Variants in FRMD6 observed in about 807,000 individuals in gnomAD.
The protein encoded by FRMD6 is FERM domain containing 6.
Under a neutral mutation model 73.2 loss-of-function variants are expected in FRMD6, and 37 were observed. That is an observed-to-expected ratio of 0.51 (90% CI 0.39 to 0.66). The LOEUF (loss-of-function observed/expected upper bound fraction) is 0.66, where lower values mean the gene tolerates loss of function less well. Ranked by LOEUF, FRMD6 falls within the 30% of genes least tolerant of loss-of-function variation. The pLI is 0.00. For synonymous variants in FRMD6, 273 were observed against 282.2 expected, an observed-to-expected ratio of 0.97 and a Z score of 0.33; for missense variants, 714 against 780.5, an observed-to-expected ratio of 0.91 and a Z score of 1.02.
Position 51,698,174 on chromosome 14 carries a change from G to A in FRMD6, c.132G>A (p.Gln44=). 6.2e-7 allele frequency: 1 copy of A among 1,612,504 alleles called. No individual in the cohort carries two copies. The highest frequency in any genetic ancestry group is 1.1e-5 in the South Asian group (1 of 90,992). The stretch of plus-strand genomic sequence containing the variant: ...TTCTGTGTCACCAGTTGCTGGTCCA[G>A]GTTTGTGACCTGCTCAGGCTAAAGG... The part of the protein sequence containing the change: ...VKILCHQLLV[Q]VCDLLRLKDC... Residue 44 remains glutamine (Q), a synonymous_variant, in exon 3 of 14, where the codon CAG becomes CAA. Transcript: ENST00000344768.
chr14:51,568,676 A>G (rs1410455417), intron 1 of FRMD6, among the ~76,000 whole-genome samples: 2 of 152,172 alleles, frequency 1.3e-5, no homozygotes, highest in Non-Finnish European at 2.9e-5. Context: ...GAAGTATGGA[A>G]ACAATGACCT....
intron 1 of FRMD6, among the ~76,000 whole-genome samples, chr14:51,518,224 T>C (rs1196379546): frequency 6.6e-6 from 1 of 152,170 alleles, no homozygotes. Flanking sequence ...TACCATGAAG[T>C]ATATACTGTA....
At chr14:51,412,564 C>T in the FRMD6 span, among the ~76,000 whole-genome samples, 1 of 152,082 alleles carries the variant, frequency 6.6e-6, no homozygotes, top group East Asian at 1.9e-4. Flanking sequence ...TAAGATAACA[C>T]GGACAGGCCG....
chr14:51,682,634 G>C (rs1020718709), intron 1 of FRMD6, among the ~76,000 whole-genome samples: 2 of 152,178 alleles, frequency 1.3e-5, no homozygotes, highest in African/African-American at 4.8e-5. Context: ...TTCTTTCTGA[G>C]CTTCTCTTTC....
the FRMD6 span, among the ~76,000 whole-genome samples, chr14:51,442,804 C>A: frequency 6.6e-6 from 1 of 152,186 alleles, no homozygotes; most frequent in East Asian, 1.9e-4. Context: ...TATGCCAGAC[C>A]TCTTTAGTAT....
At chr14:51,598,327 T>C (rs930242003) in intron 2 of FRMD6, among the ~76,000 whole-genome samples, 5 of 152,286 alleles carry the variant, frequency 3.3e-5, no homozygotes, top group South Asian at 4.1e-4. Flanking sequence ...TGAGAATAAA[T>C]GAAGGGAGTT....
exon 1 of FRMD6, chr14:51,489,168 T>G (rs370791374): frequency 1.2e-4 from 18 of 152,328 alleles, no homozygotes; most frequent in African/African-American, 4.1e-4. Context: ...GAACTAACAC[T>G]ATTTTCTCCT....
chr14:51,663,094 T>C (rs532752693), intron 1 of FRMD6, among the ~76,000 whole-genome samples: 2 of 152,224 alleles, frequency 1.3e-5, no homozygotes, highest in East Asian at 3.9e-4. Context: ...TCAGAATGGC[T>C]ATTAAAATGT....
chr14:51,717,383 C>G (rs755830127), intron 10 of FRMD6: 7 of 152,154 alleles, frequency 4.6e-5, no homozygotes, highest in Non-Finnish European at 8.8e-5. Context: ...AACTCCGCCT[C>G]TCATAATGAA....
At position 51,609,157 on chromosome 14, in the gene FRMD6, C is replaced by T. The variant is rs147514216; in HGVS notation, c.-147+38747C>T. ...ATGTACATTTAAACCAGGACAGATTCTAACAACCTGGACAGGAAACCTAGT... is the reference window on the plus strand; with the variant it reads ...ATGTACATTTAAACCAGGACAGATTTTAACAACCTGGACAGGAAACCTAGT... On this transcript the variant is annotated intron_variant, in intron 2 of 14. Transcript: ENST00000356218. 6.5e-3 allele frequency among the ~76,000 whole-genome samples: 989 copies of T among 152,176 alleles called. 9 individuals carry two copies. The highest frequency in any genetic ancestry group is 0.022 in the African/African-American group (934 of 41,518).
the FRMD6 span, among the ~76,000 whole-genome samples, chr14:51,409,170 A>G: frequency 1.3e-5 from 2 of 152,020 alleles, no homozygotes; most frequent in African/African-American, 2.4e-5. Context: ...GGGGTCTCCT[A>G]TTAGCCTTCT....
At chr14:51,487,801 A>C (rs1180887985), upstream of FRMD6, among the ~76,000 whole-genome samples, 1 of 152,204 alleles carries the variant, frequency 6.6e-6, no homozygotes, top group African/African-American at 2.4e-5. Flanking sequence ...AAACTCATTT[A>C]TTGGCCCTAG....
intron 1 of FRMD6, among the ~76,000 whole-genome samples, chr14:51,527,799 G>A (rs1885347188): frequency 6.6e-6 from 1 of 152,156 alleles, no homozygotes; most frequent in Admixed American, 6.5e-5. Flanking sequence ...AGATGGTGAG[G>A]CATACATTAA....
At chr14:51,655,802 G>T (rs984408828) in intron 1 of FRMD6, among the ~76,000 whole-genome samples, 1 of 152,180 alleles carries the variant, frequency 6.6e-6, no homozygotes, top group African/African-American at 2.4e-5. Flanking sequence ...AAATAGGACT[G>T]CTAATTGATA....
chr14:51,419,604 C>T, the FRMD6 span, among the ~76,000 whole-genome samples: 521 of 152,290 alleles, frequency 3.4e-3, 1 homozygote, highest in Non-Finnish European at 5.7e-3. Context: ...ATCCAGTTCC[C>T]AGCTTGACTT....
intron 1 of FRMD6, 96 bp downstream of exon 1, chr14:51,652,092 G>A: frequency 6.6e-6 from 1 of 152,522 alleles, no homozygotes; most frequent in Non-Finnish European, 1.5e-5. Context: ...CCGGCGGGGC[G>A]GCGGCGGGAC....
At chr14:51,678,177 A>G (rs985082540) in intron 1 of FRMD6, among the ~76,000 whole-genome samples, 1 of 152,138 alleles carries the variant, frequency 6.6e-6, no homozygotes, top group Admixed American at 6.5e-5. Context: ...TGAGATAGAG[A>G]GGTGAAGAGA....
intron 2 of FRMD6, among the ~76,000 whole-genome samples, chr14:51,600,229 A>T (rs766705334): frequency 1.3e-5 from 2 of 152,192 alleles, no homozygotes; most frequent in African/African-American, 2.4e-5. Flanking sequence ...AGACACAGAA[A>T]TACGGTCGAT....
At chr14:51,641,228 G>A (rs57619140) in intron 2 of FRMD6, among the ~76,000 whole-genome samples, 1,738 of 152,176 alleles carry the variant, frequency 0.011, 36 homozygotes, top group African/African-American at 0.039. Flanking sequence ...TGATCCATTC[G>A]CCTTAGCCTC....
Sources: allele counts gnomAD v4.1 joint callset (sites outside exome capture counted in the v4.1 genomes callset), GRCh38; gene constraint gnomAD v4.1.1; transcripts MANE v1.5; gene names NCBI Gene and HGNC (gene_info 2026-07-23, HGNC 2026-07-21).